Variants in ADAMTSL1 observed in about 807,000 individuals in gnomAD.
The protein encoded by ADAMTSL1 is ADAMTS like 1.
ADAMTSL1 carries 126 observed loss-of-function variants against 201.8 expected under a neutral mutation model. The observed-to-expected ratio is 0.62, with a 90% CI of 0.54 to 0.72. ADAMTSL1 has a LOEUF of 0.72. Ranked by LOEUF, ADAMTSL1 falls within the 30% of genes least tolerant of loss-of-function variation. The pLI is 0.00. For missense variants in ADAMTSL1, 2,679 were observed against 2,277.8 expected (o/e 1.18, Z -3.59); for synonymous variants, 1,121 against 903.4 (o/e 1.24, Z -4.32).
rs151158336 is a variant in ADAMTSL1 at position 18,774,877 on chromosome 9, T to C, written c.2398-866T>C. Among the ~76,000 whole-genome samples the C allele has an allele frequency of 3.3e-4, 50 of 152,332 alleles. 1 individual carries two copies. The highest frequency in any genetic ancestry group is 1.2e-3 in the African/African-American group (48 of 41,574). ...CAAGTCTTTGTGTGGATGTATGTTTTTGTCTCTCTTGGGTAGATACCCAGT... is the reference window on the plus strand; with the variant it reads ...CAAGTCTTTGTGTGGATGTATGTTTCTGTCTCTCTTGGGTAGATACCCAGT... On this transcript the variant is annotated intron_variant, in intron 17 of 28. Coordinates refer to ENST00000380548, the MANE Select transcript of ADAMTSL1 (RefSeq NM_001040272.6).
intron 2 of ADAMTSL1, among the ~76,000 whole-genome samples, chr9:18,462,964 AT>A (rs2131717011): frequency 6.6e-6 from 1 of 152,042 alleles, no homozygotes; most frequent in South Asian, 2.1e-4. Flanking sequence ...AAAATAAAAA[AT>A]AAAATAAAAA....
At chr9:18,285,933 A>G (rs780389872) in intron 2 of ADAMTSL1, among the ~76,000 whole-genome samples, 5 of 152,128 alleles carry the variant, frequency 3.3e-5, no homozygotes, top group Non-Finnish European at 7.4e-5. Context: ...CACAGCCACC[A>G]CTATGTTCTA....
chr9:17,968,619 A>G (rs777221667), intron 1 of ADAMTSL1, among the ~76,000 whole-genome samples: 2 of 152,114 alleles, frequency 1.3e-5, no homozygotes, highest in African/African-American at 2.4e-5. Context: ...CACACAAACA[A>G]TGTGGTATCC....
intron 2 of ADAMTSL1, among the ~76,000 whole-genome samples, chr9:18,318,328 G>T (rs758497771): frequency 1.4e-4 from 21 of 152,062 alleles, no homozygotes; most frequent in South Asian, 6.3e-4. Context: ...TTAGACTAAT[G>T]GTTTTCAAAC....
intron 2 of ADAMTSL1, among the ~76,000 whole-genome samples, chr9:18,272,473 C>G (rs1048651395): frequency 9.9e-5 from 15 of 152,164 alleles, no homozygotes; most frequent in African/African-American, 3.4e-4. Flanking sequence ...GGATTAAAGA[C>G]TTAAATGTTA....
At chr9:18,317,421 CACGTACAT>C in intron 2 of ADAMTSL1, among the ~76,000 whole-genome samples, 1 of 151,970 alleles carries the variant, frequency 6.6e-6, no homozygotes. Context: ...CACACACACA[CACGTACAT>C]GAGCAAATTT....
At chr9:18,416,184 A>C (rs146490491) in intron 2 of ADAMTSL1, among the ~76,000 whole-genome samples, 1 of 152,234 alleles carries the variant, frequency 6.6e-6, no homozygotes, top group East Asian at 1.9e-4. Context: ...ATGCCTATAA[A>C]TGATAATCGA....
Position 18,899,053 on chromosome 9 carries a change from G to A in ADAMTSL1, c.4851+6457G>A, listed in dbSNP as rs766165250. 8.5e-5 allele frequency among the ~76,000 whole-genome samples: 13 copies of A among 152,244 alleles called. 1 individual carries two copies. Among genetic ancestry groups the A allele is most frequent in the South Asian group, 6.2e-4 (3 of 4,822 alleles). On this transcript the variant is annotated intron_variant, in intron 26 of 28. Coordinates refer to ENST00000380548, the MANE Select transcript of ADAMTSL1 (RefSeq NM_001040272.6). ...GACCCTTTATCTACAAAATCCCATC[G>A]TCTCAGCCCAAAAGTTTCTTAAGCT... is the stretch of plus-strand genomic sequence containing the variant.
chr9:18,286,647 C>T (rs1833004407), intron 2 of ADAMTSL1, among the ~76,000 whole-genome samples: 1 of 73,260 alleles, frequency 1.4e-5, no homozygotes, highest in Non-Finnish European at 3.4e-5. Flanking sequence ...AATCTGTGCT[C>T]ATACTTCATG....
chr9:18,175,553 T>G (rs1828107025), intron 2 of ADAMTSL1, among the ~76,000 whole-genome samples: 1 of 152,198 alleles, frequency 6.6e-6, no homozygotes, highest in African/African-American at 2.4e-5. Flanking sequence ...ACAATATCCA[T>G]TTAGAACTTC....
At chr9:18,195,743 A>T (rs1352898336) in intron 2 of ADAMTSL1, among the ~76,000 whole-genome samples, 1 of 152,074 alleles carries the variant, frequency 6.6e-6, no homozygotes, top group Non-Finnish European at 1.5e-5. Flanking sequence ...TTGGTAATGG[A>T]CATAAGACAT....
chr9:18,695,709 T>C (rs1308413078), intron 13 of ADAMTSL1, among the ~76,000 whole-genome samples: 1 of 152,226 alleles, frequency 6.6e-6, no homozygotes, highest in African/African-American at 2.4e-5. Flanking sequence ...GTTTCCCTGA[T>C]CTTCCTGCCT....
At chr9:17,938,970 G>C (rs1364875568) in intron 1 of ADAMTSL1, among the ~76,000 whole-genome samples, 4 of 152,076 alleles carry the variant, frequency 2.6e-5, no homozygotes, top group Non-Finnish European at 5.9e-5. Context: ...CTCTGTGCCT[G>C]TTGGGAGGGA....
intron 2 of ADAMTSL1, among the ~76,000 whole-genome samples, chr9:18,243,157 A>G (rs1831132658): frequency 6.6e-6 from 1 of 152,198 alleles, no homozygotes. Context: ...GGAACACAAT[A>G]GAGTCCAGAA....
At chr9:18,385,319 A>C (rs985491340) in intron 2 of ADAMTSL1, among the ~76,000 whole-genome samples, 1 of 152,006 alleles carries the variant, frequency 6.6e-6, no homozygotes, top group African/African-American at 2.4e-5. Context: ...TCCAAGATCT[A>C]GTGTTGCCAA....
chr9:18,317,348 T>C (rs1311948197), intron 2 of ADAMTSL1, among the ~76,000 whole-genome samples: 1 of 151,788 alleles, frequency 6.6e-6, no homozygotes, highest in Non-Finnish European at 1.5e-5. Context: ...TAATACTGTA[T>C]GGTTTACTTG....
chr9:18,231,944 G>A (rs988666267), intron 2 of ADAMTSL1, among the ~76,000 whole-genome samples: 2 of 152,132 alleles, frequency 1.3e-5, no homozygotes, highest in Admixed American at 1.3e-4. Context: ...CTCCCAGGAG[G>A]CAATAGCCTT....
intron 1 of ADAMTSL1, among the ~76,000 whole-genome samples, chr9:17,935,656 A>T (rs555704826): frequency 2.0e-5 from 3 of 151,690 alleles, no homozygotes; most frequent in African/African-American, 2.4e-5. Flanking sequence ...GTTGTTCTTG[A>T]CTCCTCTATT....
At chr9:18,833,624 A>G (rs529888509) in intron 23 of ADAMTSL1, among the ~76,000 whole-genome samples, 4 of 151,452 alleles carry the variant, frequency 2.6e-5, no homozygotes, top group Non-Finnish European at 1.5e-5. Context: ...CTTTGCAAAA[A>G]TTTTCTCCCA....
Sources: gnomAD v4.1 joint callset for allele counts (sites outside exome capture counted in the v4.1 genomes callset) on GRCh38, gnomAD v4.1.1 for gene constraint, MANE v1.5 for transcripts, NCBI Gene and HGNC (gene_info 2026-07-23, HGNC 2026-07-21) for gene names.